REDIC1: variants seen among roughly 807,000 people sequenced by gnomAD.
The protein encoded by REDIC1 is HEI10 Interacting Protein 1.
At chr12:39,765,683 C>T in the REDIC1 span, among the ~76,000 whole-genome samples, 1 of 152,038 alleles carries the variant, frequency 6.6e-6, no homozygotes, top group Admixed American at 6.6e-5. Context: ...CCTCTCATCC[C>T]CTGCCACATT....
At chr12:39,730,419 C>T in the REDIC1 span, among the ~76,000 whole-genome samples, 1 of 152,128 alleles carries the variant, frequency 6.6e-6, no homozygotes, top group Non-Finnish European at 1.5e-5. Flanking sequence ...TCTTGTGAAG[C>T]TTAGTTTGGC....
the REDIC1 span, among the ~76,000 whole-genome samples, chr12:39,776,698 T>C: frequency 6.6e-6 from 1 of 151,362 alleles, no homozygotes; most frequent in African/African-American, 2.4e-5. Flanking sequence ...TATTCTAGAT[T>C]TCCATGAGGT....
the REDIC1 span, among the ~76,000 whole-genome samples, chr12:39,822,900 C>T: frequency 6.6e-6 from 1 of 152,096 alleles, no homozygotes; most frequent in Non-Finnish European, 1.5e-5. Context: ...GTAAGAAATT[C>T]GATAAATTAA....
chr12:39,708,027 T>C, the REDIC1 span, among the ~76,000 whole-genome samples: 1 of 151,460 alleles, frequency 6.6e-6, no homozygotes, highest in South Asian at 2.1e-4. Context: ...AGTTGTGGGG[T>C]TGGGAGGGTG....
the REDIC1 span, among the ~76,000 whole-genome samples, chr12:39,902,226 A>C: frequency 6.6e-6 from 1 of 150,986 alleles, no homozygotes; most frequent in Non-Finnish European, 1.5e-5. Context: ...GCATTAGGAG[A>C]TATACCTAAT....
At chr12:39,881,064 T>C in the REDIC1 span, among the ~76,000 whole-genome samples, 2 of 152,168 alleles carry the variant, frequency 1.3e-5, no homozygotes, top group African/African-American at 2.4e-5. Flanking sequence ...TATAATTCAA[T>C]CAAATGTTAC....
At chr12:39,664,382 A>G in the REDIC1 span, among the ~76,000 whole-genome samples, 1 of 152,084 alleles carries the variant, frequency 6.6e-6, no homozygotes, top group Non-Finnish European at 1.5e-5. Flanking sequence ...AGCTTCATCC[A>G]TGTCCCTACA....
chr12:39,839,300 A>G, the REDIC1 span, among the ~76,000 whole-genome samples: 9 of 152,080 alleles, frequency 5.9e-5, 1 homozygote, highest in Non-Finnish European at 1.3e-4. Flanking sequence ...TTTCCCTGCC[A>G]GAGCATAGAT....
chr12:39,683,395 G>A, the REDIC1 span: 3 of 1,522,218 alleles, frequency 2.0e-6, no homozygotes, highest in South Asian at 3.4e-5. Context: ...TTAACTCGGT[G>A]CATACTTTTA....
At chr12:39,866,836 C>G in the REDIC1 span, among the ~76,000 whole-genome samples, 2 of 152,060 alleles carry the variant, frequency 1.3e-5, no homozygotes, top group South Asian at 2.1e-4. Context: ...TTATTACAAG[C>G]AGCAGCAGCA....
the REDIC1 span, among the ~76,000 whole-genome samples, chr12:39,716,014 C>T: frequency 1.3e-4 from 20 of 151,924 alleles, no homozygotes; most frequent in Non-Finnish European, 2.1e-4. Context: ...TCTCAGCTGA[C>T]TGAAGCTAGA....
the REDIC1 span, among the ~76,000 whole-genome samples, chr12:39,715,243 A>G: frequency 6.6e-6 from 1 of 152,010 alleles, no homozygotes; most frequent in African/African-American, 2.4e-5. Flanking sequence ...TTTTTGTCTA[A>G]GGTAAGAGAT....
chr12:39,895,051 T>C, the REDIC1 span, among the ~76,000 whole-genome samples: 1 of 152,068 alleles, frequency 6.6e-6, no homozygotes, highest in Non-Finnish European at 1.5e-5. Context: ...CTTTTTGTTT[T>C]TGAGATGGGG....
chr12:39,710,047 A>T, the REDIC1 span, among the ~76,000 whole-genome samples: 1 of 151,480 alleles, frequency 6.6e-6, no homozygotes, highest in African/African-American at 2.4e-5. Context: ...TTTCATTTTG[A>T]TATAGATCTT....
the REDIC1 span, among the ~76,000 whole-genome samples, chr12:39,707,175 TAATCTC>T: frequency 6.6e-6 from 1 of 151,904 alleles, no homozygotes; most frequent in South Asian, 2.1e-4. Flanking sequence ...AAAAATCTAA[TAATCTC>T]AATAAGAAAT....
the REDIC1 span, among the ~76,000 whole-genome samples, chr12:39,775,455 A>C: frequency 6.6e-6 from 1 of 152,240 alleles, no homozygotes; most frequent in Admixed American, 6.5e-5. Flanking sequence ...TGTGAAGTTA[A>C]CAGGCTACGG....
the REDIC1 span, among the ~76,000 whole-genome samples, chr12:39,651,282 C>T: frequency 2.6e-5 from 4 of 152,158 alleles, no homozygotes; most frequent in South Asian, 2.1e-4. Context: ...TTTTGGACTG[C>T]GGTTGACTGT....
At chr12:39,809,612 C>T in the REDIC1 span, among the ~76,000 whole-genome samples, 6 of 152,212 alleles carry the variant, frequency 3.9e-5, no homozygotes, top group South Asian at 2.1e-4. Flanking sequence ...CCCATTAACT[C>T]GTCATTTAGC....
chr12:39,784,416 T>C, the REDIC1 span, among the ~76,000 whole-genome samples: 2 of 152,080 alleles, frequency 1.3e-5, no homozygotes, highest in African/African-American at 2.4e-5. Context: ...GCAGAAATAA[T>C]GCCACACATC....
Sources: allele counts gnomAD v4.1 joint callset (sites outside exome capture counted in the v4.1 genomes callset), GRCh38; gene constraint gnomAD v4.1.1; transcripts MANE v1.5; gene names NCBI Gene and HGNC (gene_info 2026-07-23, HGNC 2026-07-21).